The following SGCD variants were observed in gnomAD, a reference collection of about 807,000 sequenced individuals.
SGCD encodes the protein sarcoglycan delta.
A neutral mutation model predicts 36.6 loss-of-function variants in SGCD; 18 were observed. The observed-to-expected ratio is 0.49, with a 90% CI of 0.34 to 0.73. The LOEUF is 0.73. Ranked by LOEUF, SGCD falls within the 30% of genes least tolerant of loss-of-function variation. The pLI is 0.01. For synonymous variants in SGCD, 133 were observed against 130.6 expected, an observed-to-expected ratio of 1.02 and a Z score of -0.12; for missense variants, 387 against 346.7, an observed-to-expected ratio of 1.12 and a Z score of -0.92.
At chr5:156,100,579 T>TA (rs1385445688) in intron 1 of SGCD, among the ~76,000 whole-genome samples, 1 of 152,240 alleles carries the variant, frequency 6.6e-6, no homozygotes, top group Non-Finnish European at 1.5e-5. Context: ...AATGTCAAAT[T>TA]ACTCAGCATC....
chr5:156,488,124 T>TTTTTTTTA lies in SGCD; in HGVS notation c.193-20477_193-20476insTTTTTTTA, dbSNP rs1429861317. Among the ~76,000 whole-genome samples, 16 of 130,618 alleles carry TTTTTTTTA rather than the reference T, an allele frequency of 1.2e-4. No homozygotes were observed. The East Asian group carries it at 2.7e-3, about 22-fold the overall frequency. 85.7% of individuals were successfully genotyped at this position (130,618 alleles called of 152,430 possible). ...TTTTTTTTTTTTTTTTTTTTTTTTT[T>TTTTTTTTA]AAATAACCCAGTTAGACAAAAAATA... On this transcript the variant is annotated intron_variant, in intron 3 of 8. Coordinates refer to ENST00000337851, the MANE Select transcript of SGCD (RefSeq NM_000337.6).
chr5:155,859,177 T>G, the SGCD span, among the ~76,000 whole-genome samples: 1 of 151,916 alleles, frequency 6.6e-6, no homozygotes, highest in East Asian at 1.9e-4. Context: ...CCTTCCACCT[T>G]AGCCTCCTGA....
the SGCD span, among the ~76,000 whole-genome samples, chr5:155,757,704 TC>T: frequency 1.3e-5 from 2 of 152,172 alleles, no homozygotes; most frequent in East Asian, 3.9e-4. Context: ...CAGAGTTCCT[TC>T]CATGCTCTCA....
At chr5:156,358,880 C>CTGG (rs1480566899) in intron 3 of SGCD, among the ~76,000 whole-genome samples, 6 of 151,852 alleles carry the variant, frequency 4.0e-5, no homozygotes, top group Admixed American at 6.6e-5. Flanking sequence ...GAGGAGTTGA[C>CTGG]TGGTGGTGGT....
intron 2 of SGCD, among the ~76,000 whole-genome samples, chr5:156,123,169 G>T (rs1762086963): frequency 6.6e-6 from 1 of 152,122 alleles, no homozygotes; most frequent in Non-Finnish European, 1.5e-5. Flanking sequence ...AGAGTCAGTT[G>T]ATTGAGTTTA....
chr5:156,185,754 A>G (rs1336475494), intron 3 of SGCD, among the ~76,000 whole-genome samples: 1 of 149,362 alleles, frequency 6.7e-6, no homozygotes, highest in Non-Finnish European at 1.5e-5. Flanking sequence ...AACAAATGTC[A>G]CTTCTGTTGT....
At chr5:155,882,630 T>A (rs570756610) in intron 1 of SGCD, among the ~76,000 whole-genome samples, 5 of 152,288 alleles carry the variant, frequency 3.3e-5, no homozygotes, top group African/African-American at 9.6e-5. Flanking sequence ...ACATTGTCAA[T>A]GAGGAGTAAT....
chr5:156,071,453 C>G lies in SGCD; in HGVS notation c.-281-46425C>G, dbSNP rs532414938. Among the ~76,000 whole-genome samples the G allele has an allele frequency of 4.1e-3, 632 of 152,292 alleles. 4 individuals are homozygous for G. Among genetic ancestry groups the G allele is most frequent in the African/African-American group, 0.015 (603 of 41,548 alleles). ...TAGTTGAGCGGTTTTGAGTGAGTTT[C>G]TTAATCCTGAGTTCTAGTTTGATTG... On this transcript the variant is annotated intron_variant, in intron 1 of 9. Coordinates refer to the SGCD transcript ENST00000517913.
intron 1 of SGCD, among the ~76,000 whole-genome samples, chr5:156,046,427 G>T (rs1759766978): frequency 6.6e-6 from 1 of 151,968 alleles, no homozygotes; most frequent in African/African-American, 2.4e-5. Context: ...TTTAAACATT[G>T]AAGGTTTGTA....
rs534398603 is a variant in SGCD at position 156,621,326 on chromosome 5, G to A, written c.503-26138G>A. On this transcript the variant is annotated intron_variant, in intron 6 of 8. Transcript: ENST00000337851. Reference sequence around the variant, plus strand: ...CCTGCATCAGCCTCCCAAGTAGCTGGGATTACAGGTGTGCTACCACCATGC... The same window carrying A: ...CCTGCATCAGCCTCCCAAGTAGCTGAGATTACAGGTGTGCTACCACCATGC... Among the ~76,000 whole-genome samples, 3 of 152,284 alleles carry A rather than the reference G, an allele frequency of 2.0e-5. No homozygotes were observed. In the East Asian group the frequency reaches 5.8e-4, roughly 29 times the overall value.
At chr5:156,406,826 A>C (rs1217760875) in intron 3 of SGCD, among the ~76,000 whole-genome samples, 2 of 86,340 alleles carry the variant, frequency 2.3e-5, no homozygotes, top group African/African-American at 4.5e-5. Flanking sequence ...ATATACACAC[A>C]CACACACACA....
intron 3 of SGCD, among the ~76,000 whole-genome samples, chr5:156,161,949 T>C (rs1283983406): frequency 6.6e-6 from 1 of 151,578 alleles, no homozygotes; most frequent in African/African-American, 2.4e-5. Flanking sequence ...TTCAGTCACA[T>C]GCAGTCATTT....
At chr5:156,414,994 G>A (rs2127772514) in intron 3 of SGCD, among the ~76,000 whole-genome samples, 1 of 152,236 alleles carries the variant, frequency 6.6e-6, no homozygotes, top group Middle Eastern at 3.4e-3. Flanking sequence ...GCAATTGCCA[G>A]TATTTTATTC....
chr5:156,222,379 T>G (rs928609478), intron 3 of SGCD, among the ~76,000 whole-genome samples: 3 of 152,196 alleles, frequency 2.0e-5, no homozygotes, highest in Admixed American at 6.6e-5. Context: ...TTATAGATTC[T>G]ACTTTACATT....
chr5:156,130,334 G>C (rs1030030725), intron 3 of SGCD, among the ~76,000 whole-genome samples: 5 of 152,116 alleles, frequency 3.3e-5, no homozygotes, highest in Non-Finnish European at 7.4e-5. Flanking sequence ...TAATGGGGTT[G>C]CTTGTTTTCT....
At chr5:156,361,267 A>C (rs1033499783) in intron 3 of SGCD, among the ~76,000 whole-genome samples, 2 of 152,230 alleles carry the variant, frequency 1.3e-5, no homozygotes, top group African/African-American at 4.8e-5. Context: ...AAAATCTTGC[A>C]CCAAAAGGAT....
At chr5:156,485,592 G>A (rs528269948) in intron 3 of SGCD, among the ~76,000 whole-genome samples, 1 of 152,128 alleles carries the variant, frequency 6.6e-6, no homozygotes, top group Non-Finnish European at 1.5e-5. Flanking sequence ...GAACTCAGGA[G>A]GTGGAGGCTG....
At chr5:156,270,007 GT>G (rs1766131702) in intron 3 of SGCD, among the ~76,000 whole-genome samples, 1 of 152,180 alleles carries the variant, frequency 6.6e-6, no homozygotes, top group Non-Finnish European at 1.5e-5. Flanking sequence ...ATAACTTTGG[GT>G]TTTACATTTA....
rs1313968335 is a variant in SGCD at position 156,060,948 on chromosome 5, C to T, written c.-281-56930C>T. Among the ~76,000 whole-genome samples, 12 of 145,252 alleles carry T rather than the reference C, an allele frequency of 8.3e-5. 1 individual carries two copies. Among genetic ancestry groups the T allele is most frequent in the African/African-American group, 3.0e-4 (12 of 40,410 alleles). On this transcript the variant is annotated intron_variant, in intron 1 of 9. Coordinates refer to the SGCD transcript ENST00000517913. Reference sequence around the variant, plus strand: ...CCATATGCCACCTCATTTTAACATCCCCAGTTCCTATCACCGTGGTCAGCG... The same window carrying T: ...CCATATGCCACCTCATTTTAACATCTCCAGTTCCTATCACCGTGGTCAGCG...
Sources: allele counts gnomAD v4.1 joint callset (sites outside exome capture counted in the v4.1 genomes callset), GRCh38; gene constraint gnomAD v4.1.1; transcripts MANE v1.5; gene names NCBI Gene and HGNC (gene_info 2026-07-23, HGNC 2026-07-21).